The following ANKS1B variants were observed in gnomAD, a reference collection of about 807,000 sequenced individuals.
ANKS1B encodes the protein ankyrin repeat and sterile alpha motif domain containing 1B.
A neutral mutation model predicts 148.3 loss-of-function variants in ANKS1B; 36 were observed. That is an observed-to-expected ratio of 0.24 (90% CI 0.19 to 0.32). The LOEUF is 0.32. Ranked by LOEUF, ANKS1B falls within the 10% of genes least tolerant of loss-of-function variation. ANKS1B has a pLI of 1.00. For synonymous variants in ANKS1B, 542 were observed against 560.8 expected (o/e 0.97, Z 0.47); for missense variants, 1,157 against 1,542.6 (o/e 0.75, Z 4.19).
intron 8 of ANKS1B, among the ~76,000 whole-genome samples, chr12:99,714,376 G>A (rs535841582): frequency 6.6e-6 from 1 of 152,162 alleles, no homozygotes; most frequent in African/African-American, 2.4e-5. Context: ...TCATTTTATT[G>A]TGCTTTGCTT....
At chr12:99,173,174 T>C (rs888297560) in intron 14 of ANKS1B, among the ~76,000 whole-genome samples, 3 of 152,162 alleles carry the variant, frequency 2.0e-5, no homozygotes, top group African/African-American at 7.2e-5. Flanking sequence ...TTAGCCTATT[T>C]TAACTGTTCC....
rs2099762647 is a variant in ANKS1B, at chr12:98,895,312, G to GC, written c.2779-63177dup. Reference sequence around the variant, plus strand: ...ACTATGGATATCTCGCTCCTCCGCCGCCCCCTCCGCGCACTCCGGGAGGCC... The same window carrying GC: ...ACTATGGATATCTCGCTCCTCCGCCGCCCCCCTCCGCGCACTCCGGGAGGCC... On this transcript the variant is annotated intron_variant, in intron 17 of 26. Transcript: ENST00000683438. The GC allele has an allele frequency of 4.1e-6, 4 of 985,034 alleles. No individual in the cohort carries two copies. In the Admixed American group the frequency reaches 2.5e-4, roughly 61 times the overall value. The allele number at this position is 985,034 out of a possible 1,614,324, so 61.0% of individuals were successfully genotyped here. A position where few individuals can be genotyped will look rare whatever the true frequency, so the allele number is the denominator to read the frequency against.
intron 17 of ANKS1B, chr12:98,895,165 C>CG: frequency 1.0e-6 from 1 of 985,084 alleles, no homozygotes; most frequent in Non-Finnish European, 1.2e-6. Context: ...GAGAGCGATG[C>CG]GGGCCCAGGC....
intron 22 of ANKS1B, among the ~76,000 whole-genome samples, chr12:98,784,604 G>A (rs2098771930): frequency 6.6e-6 from 1 of 152,162 alleles, no homozygotes; most frequent in Non-Finnish European, 1.5e-5. Flanking sequence ...AGCAGCTGGA[G>A]AGGAGAACAC....
At chr12:99,457,811 C>T (rs1402748948) in intron 10 of ANKS1B, among the ~76,000 whole-genome samples, 4 of 152,078 alleles carry the variant, frequency 2.6e-5, no homozygotes, top group African/African-American at 9.7e-5. Flanking sequence ...ATGAGATGGA[C>T]AGCAACACAA....
intron 15 of ANKS1B, among the ~76,000 whole-genome samples, chr12:99,120,883 A>AGGAAT (rs1231072920): frequency 5.9e-5 from 9 of 152,196 alleles, no homozygotes. Context: ...TTAAAATCCT[A>AGGAAT]GGAATGGAAC....
chr12:99,637,806 A>ATATATATAATG (rs1567534344), intron 9 of ANKS1B, among the ~76,000 whole-genome samples: 1 of 147,338 alleles, frequency 6.8e-6, no homozygotes, highest in African/African-American at 2.5e-5. Flanking sequence ...TATATATAAT[A>ATATATATAATG]TATATATAAT....
chr12:98,928,401 G>A (rs2152948771), intron 17 of ANKS1B, among the ~76,000 whole-genome samples: 3 of 151,842 alleles, frequency 2.0e-5, no homozygotes, highest in East Asian at 1.9e-4. Flanking sequence ...CCAAAAAATA[G>A]AAAGGGAAGG....
chr12:99,313,481 C>A (rs1221236332), intron 12 of ANKS1B, among the ~76,000 whole-genome samples: 1 of 152,124 alleles, frequency 6.6e-6, no homozygotes, highest in Non-Finnish European at 1.5e-5. Flanking sequence ...AAACTTCAGG[C>A]CAACATCCCT....
intron 10 of ANKS1B, among the ~76,000 whole-genome samples, chr12:99,444,170 T>C (rs1007392543): frequency 6.6e-6 from 1 of 152,002 alleles, no homozygotes; most frequent in African/African-American, 2.4e-5. Context: ...GGGCTAAAGC[T>C]TTCCCAATAA....
chr12:99,334,129 A>G (rs1431486775), intron 12 of ANKS1B, among the ~76,000 whole-genome samples: 1 of 150,744 alleles, frequency 6.6e-6, no homozygotes, highest in African/African-American at 2.5e-5. Flanking sequence ...TGCTCCTCTA[A>G]ATAGATAGAT....
intron 17 of ANKS1B, among the ~76,000 whole-genome samples, chr12:98,938,298 T>C (rs1241270030): frequency 6.6e-6 from 1 of 152,232 alleles, no homozygotes; most frequent in African/African-American, 2.4e-5. Flanking sequence ...GTGGAATATC[T>C]TTATTAAAAA....
intron 9 of ANKS1B, among the ~76,000 whole-genome samples, chr12:99,530,711 G>A (rs932833335): frequency 6.6e-6 from 1 of 152,122 alleles, no homozygotes; most frequent in African/African-American, 2.4e-5. Flanking sequence ...TATCTGTATG[G>A]ATTTTCAAGC....
At chr12:99,684,159 G>A (rs2098636739) in intron 8 of ANKS1B, among the ~76,000 whole-genome samples, 1 of 152,000 alleles carries the variant, frequency 6.6e-6, no homozygotes, top group African/African-American at 2.4e-5. Context: ...CAGTAAAGAA[G>A]AAGTCAAACT....
intron 1 of ANKS1B, among the ~76,000 whole-genome samples, chr12:99,870,834 T>C (rs765085490): frequency 1.9e-4 from 29 of 152,336 alleles, no homozygotes; most frequent in Non-Finnish European, 3.2e-4. Flanking sequence ...ATTTGTCAGA[T>C]GTATAGCTTG....
At chr12:98,965,484 T>C (rs1248206391) in intron 17 of ANKS1B, among the ~76,000 whole-genome samples, 1 of 152,234 alleles carries the variant, frequency 6.6e-6, no homozygotes, top group African/African-American at 2.4e-5. Flanking sequence ...TATGATCTAC[T>C]AGTTGAAATG....
chr12:99,117,216 C>T (rs928715773), intron 15 of ANKS1B, among the ~76,000 whole-genome samples: 2 of 152,182 alleles, frequency 1.3e-5, no homozygotes, highest in Admixed American at 6.5e-5. Context: ...ATTGCCCTGG[C>T]CAGAACTTCC....
chr12:99,856,480 C>T (rs1247878838), intron 1 of ANKS1B, among the ~76,000 whole-genome samples: 5 of 151,912 alleles, frequency 3.3e-5, no homozygotes, highest in African/African-American at 9.7e-5. Context: ...ACCAATACTA[C>T]TGACATTATT....
Position 99,859,734 on chromosome 12 carries a change from C to T in ANKS1B, c.135-34345G>A, listed in dbSNP as rs1308953773. Among the ~76,000 whole-genome samples, 5 of 151,860 alleles carry T rather than the reference C, an allele frequency of 3.3e-5. No individual in the cohort carries two copies. In the East Asian group the frequency reaches 9.7e-4, roughly 29 times the overall value. On this transcript the variant is annotated intron_variant, in intron 1 of 26. Transcript: ENST00000683438. The stretch of plus-strand genomic sequence containing the variant: ...CAATCTCGGCTCACTGCAACCTCTG[C>T]CTCCCAGGTTCAAGCGATTCTCCTG...
Sources: gnomAD v4.1 joint callset for allele counts (sites outside exome capture counted in the v4.1 genomes callset) on GRCh38, gnomAD v4.1.1 for gene constraint, MANE v1.5 for transcripts, NCBI Gene and HGNC (gene_info 2026-07-23, HGNC 2026-07-21) for gene names.